The following MTHFD1L variants were observed in gnomAD, a reference collection of about 807,000 sequenced individuals.
MTHFD1L encodes methylenetetrahydrofolate dehydrogenase (NADP+ dependent) 1 like, also known as monofunctional C1-tetrahydrofolate synthase, mitochondrial.
Under a neutral mutation model 119.5 loss-of-function variants are expected in MTHFD1L, and 81 were observed. The ratio of observed to expected loss-of-function variants is 0.68; its 90% confidence interval spans 0.57 to 0.82. The LOEUF (loss-of-function observed/expected upper bound fraction) is 0.82, where lower values mean the gene tolerates loss of function less well. Ranked by LOEUF, MTHFD1L falls within the 40% of genes least tolerant of loss-of-function variation. MTHFD1L has a pLI of 0.00. For synonymous variants in MTHFD1L, 430 were observed against 475.2 expected (o/e 0.90, Z 1.24); for missense variants, 1,125 against 1,253.4 (o/e 0.90, Z 1.55).
At chr6:150,930,344 A>G (rs1222799157) in intron 11 of MTHFD1L, among the ~76,000 whole-genome samples, 1 of 152,254 alleles carries the variant, frequency 6.6e-6, no homozygotes, top group Non-Finnish European at 1.5e-5. Context: ...TTTACATTTG[A>G]CCAGGTCAAG....
intron 26 of MTHFD1L, among the ~76,000 whole-genome samples, chr6:151,053,511 T>C (rs1789410284): frequency 6.6e-6 from 1 of 152,214 alleles, no homozygotes; most frequent in Non-Finnish European, 1.5e-5. Context: ...AAATACATAC[T>C]GAATTTAGCA....
At chr6:150,933,521 A>G (rs1018408701) in intron 11 of MTHFD1L, among the ~76,000 whole-genome samples, 1 of 152,106 alleles carries the variant, frequency 6.6e-6, no homozygotes, top group Admixed American at 6.6e-5. Flanking sequence ...GTTTAGACAG[A>G]TGCAGAGGTG....
At chr6:150,912,777 C>T (rs1261169399) in intron 8 of MTHFD1L, 7 of 444,760 alleles carry the variant, frequency 1.6e-5, no homozygotes, top group South Asian at 3.3e-5. Flanking sequence ...TGAAAAGACC[C>T]GTCCACGGTT....
intron 16 of MTHFD1L, among the ~76,000 whole-genome samples, chr6:150,954,621 G>A (rs907196331): frequency 3.3e-5 from 5 of 151,926 alleles, no homozygotes; most frequent in African/African-American, 4.8e-5. Context: ...CCCAGGAGGC[G>A]AAGGTTGTAG....
intron 2 of MTHFD1L, among the ~76,000 whole-genome samples, chr6:150,876,936 A>G (rs1304987174): frequency 6.6e-6 from 1 of 152,234 alleles, no homozygotes; most frequent in African/African-American, 2.4e-5. Context: ...ACAAAGAAAG[A>G]CAAGTTAGAA....
intron 7 of MTHFD1L, among the ~76,000 whole-genome samples, chr6:150,904,225 G>A (rs891025340): frequency 1.8e-4 from 27 of 152,184 alleles, no homozygotes; most frequent in Admixed American, 5.9e-4. Context: ...TCCCCAACAC[G>A]TTTATTTGGT....
chr6:151,079,053 T>C lies in MTHFD1L; in HGVS notation c.2848-13414T>C, dbSNP rs56004830. ...CTGACTTACAGTTCAGCCAGTGTGG[T>C]GGTATGTGATTGACAGCGCCCTAGC... On this transcript the variant is annotated intron_variant, in intron 26 of 27. Coordinates refer to ENST00000367321, the MANE Select transcript of MTHFD1L (RefSeq NM_015440.5). Among the ~76,000 whole-genome samples, 317 of 152,096 alleles carry C rather than the reference T, an allele frequency of 2.1e-3. 5 individuals are homozygous for C. The highest frequency in any genetic ancestry group is 0.01 in the Middle Eastern group (3 of 294).
intron 16 of MTHFD1L, among the ~76,000 whole-genome samples, chr6:150,950,731 G>A (rs780994568): frequency 6.6e-6 from 1 of 152,116 alleles, no homozygotes; most frequent in Non-Finnish European, 1.5e-5. Flanking sequence ...GTGCAGTGGT[G>A]CGATCTAGGC....
At position 151,071,837 on chromosome 6, in the gene MTHFD1L, A is replaced by T. The variant is rs895368959; in HGVS notation, c.2848-20630A>T. ...ATATTAAGCAACATTGTAAGTACAG[A>T]TTTTTTTTTTTTTTTTTTTTTTGAG... On this transcript the variant is annotated intron_variant, in intron 26 of 27. Coordinates refer to ENST00000367321, the MANE Select transcript of MTHFD1L (RefSeq NM_015440.5). 2.0e-3 allele frequency among the ~76,000 whole-genome samples: 219 copies of T among 107,508 alleles called. 1 individual carries two copies. The highest frequency in any genetic ancestry group is 7.2e-3 in the African/African-American group (201 of 27,952). The allele number at this position is 107,508 out of a possible 152,430, so 70.5% of individuals were successfully genotyped here.
chr6:151,014,547 A>T lies in MTHFD1L; in HGVS notation c.2308-333A>T, dbSNP rs369076774. ...ACAGGTGGCGCCAGGGATCTGAGCC[A>T]GGAATACCTGGTCAGAGCTCCTCAC... On this transcript the variant is annotated intron_variant, in intron 22 of 27. Coordinates refer to ENST00000367321, the MANE Select transcript of MTHFD1L (RefSeq NM_015440.5). Among the ~76,000 whole-genome samples, 5 of 152,344 alleles carry T rather than the reference A, an allele frequency of 3.3e-5. No homozygotes were observed. In the East Asian group the frequency reaches 7.7e-4, roughly 24 times the overall value.
intron 21 of MTHFD1L, 81 bp from the exon 22 acceptor site, chr6:151,013,698 G>A: frequency 7.9e-7 from 1 of 1,270,910 alleles, no homozygotes; most frequent in Non-Finnish European, 1.1e-6. Context: ...AATTGAATGT[G>A]ATTATGTTGT....
chr6:150,938,808 G>A, intron 13 of MTHFD1L, 63 bp downstream of exon 13: 3 of 1,545,048 alleles, frequency 1.9e-6, no homozygotes, highest in Non-Finnish European at 2.6e-6. Flanking sequence ...TCTTGTCTCT[G>A]CTCCCATCCA....
chr6:150,952,440 G>C (rs1794994302), intron 16 of MTHFD1L, among the ~76,000 whole-genome samples: 1 of 152,202 alleles, frequency 6.6e-6, no homozygotes, highest in South Asian at 2.1e-4. Flanking sequence ...GGTGCACGGT[G>C]GTGGGAGTGA....
At chr6:150,965,831 A>C (rs1220971285) in intron 19 of MTHFD1L, among the ~76,000 whole-genome samples, 1 of 152,220 alleles carries the variant, frequency 6.6e-6, no homozygotes, top group East Asian at 1.9e-4. Context: ...AATAAATGCC[A>C]AGACTTTCCA....
Position 151,036,974 on chromosome 6 carries a change from A to T in MTHFD1L, c.2704A>T (p.Asn902Tyr). 1.2e-6 allele frequency: 2 copies of T among 1,612,014 alleles called. No homozygotes were observed. Among genetic ancestry groups the T allele is most frequent in the South Asian group, 2.2e-5 (2 of 90,984 alleles). ...IDRYTQQGFG[N>Y]LPICMAKTHL... is the part of the protein sequence containing the mutation. ...CTTTCCTTTCTCACAGGGTTTTGGA[A>T]ATTTGCCCATCTGCATGGCAAAGAC... The change falls in exon 26 of 28, where the codon AAT becomes TAT. Residue 902 changes from asparagine to tyrosine, a missense_variant. This residue lies in a region of MTHFD1L where 1,058 missense variants were observed against 1,151.2 expected (regional missense o/e 0.92). Coordinates refer to ENST00000367321, the MANE Select transcript of MTHFD1L (RefSeq NM_015440.5).
chr6:150,998,764 C>G (rs1046124100), intron 20 of MTHFD1L, among the ~76,000 whole-genome samples: 1 of 147,322 alleles, frequency 6.8e-6, no homozygotes, highest in South Asian at 2.1e-4. Context: ...ATCACTTGAG[C>G]TCAGGAGTTC....
intron 22 of MTHFD1L, among the ~76,000 whole-genome samples, chr6:151,014,240 T>C (rs563266418): frequency 1.3e-5 from 2 of 152,156 alleles, no homozygotes; most frequent in South Asian, 4.1e-4. Flanking sequence ...GTTCTAAGAA[T>C]CCGAGAGGAA....
chr6:150,929,110 A>G (rs1726866774), intron 11 of MTHFD1L, among the ~76,000 whole-genome samples: 1 of 152,170 alleles, frequency 6.6e-6, no homozygotes, highest in South Asian at 2.1e-4. Flanking sequence ...CTCTGGGCCC[A>G]CACCCTGCAA....
At chr6:150,967,893 C>T (rs1370218514) in intron 19 of MTHFD1L, among the ~76,000 whole-genome samples, 1 of 152,140 alleles carries the variant, frequency 6.6e-6, no homozygotes, top group Non-Finnish European at 1.5e-5. Context: ...TGCCTTCCTA[C>T]TTAGAGTTCT....
Sources: allele counts gnomAD v4.1 joint callset (sites outside exome capture counted in the v4.1 genomes callset), GRCh38; gene constraint gnomAD v4.1.1; regional missense constraint gnomAD v4.1.1; transcripts MANE v1.5; gene names NCBI Gene and HGNC (gene_info 2026-07-23, HGNC 2026-07-21).